The following HERC5 variants were observed in gnomAD, a reference collection of about 807,000 sequenced individuals.
HERC5 encodes the protein E3 ISG15--protein ligase HERC5.
HERC5 carries 99 observed loss-of-function variants against 119.6 expected under a neutral mutation model. That is an observed-to-expected ratio of 0.83 (90% CI 0.70 to 0.98). The LOEUF (loss-of-function observed/expected upper bound fraction) is 0.98. Among genes scored for constraint, HERC5 ranks in the 50% least tolerant of loss-of-function variants. HERC5 has a pLI of 0.00. For missense variants in HERC5, 1,267 were observed against 1,241.3 expected (o/e 1.02, Z -0.31); for synonymous variants, 478 against 445.9 (o/e 1.07, Z -0.91).
At chr4:88,481,128 C>T (rs112357547) in intron 13 of HERC5, among the ~76,000 whole-genome samples, 1,802 of 152,302 alleles carry the variant, frequency 0.012, 39 homozygotes, top group African/African-American at 0.041. Context: ...TCTCGGCTCA[C>T]TGCAACCTCT....
Position 88,475,931 on chromosome 4 carries a change from G to C in HERC5, c.1483G>C (p.Glu495Gln), listed in dbSNP as rs1284132122. ...TTTAGAAATTTTCTTCCTTCTCCCA[G>C]AATGTCCTATGATGCATATTTCCAA... is the stretch of plus-strand genomic sequence containing the variant. ...EALEIFFLLPECPMMHISNNW... is the reference protein window; with the variant it reads ...EALEIFFLLPQCPMMHISNNW... Residue 495 changes from glutamate (E) to glutamine (Q), a missense_variant, in exon 12 of 23, where the codon GAA becomes CAA. By Grantham distance (29) the Glu-to-Gln change is conservative. Around this residue, in one of 3 missense-constraint regions of HERC5, gnomAD observed 777 missense variants for 758.0 expected, o/e 1.03. Transcript: ENST00000264350. 2 of 1,613,798 alleles carry C rather than the reference G, an allele frequency of 1.2e-6. No homozygotes were observed. The highest frequency in any genetic ancestry group is 2.7e-5 in the African/African-American group (2 of 74,878).
At chr4:88,502,361 G>A (rs1411075648) in intron 20 of HERC5, among the ~76,000 whole-genome samples, 3 of 152,152 alleles carry the variant, frequency 2.0e-5, no homozygotes, top group African/African-American at 4.8e-5. Context: ...AGTACATAAT[G>A]GGGCTTTTTG....
chr4:88,504,368 G>A lies in HERC5; in HGVS notation c.2719G>A (p.Asp907Asn). 1 of 1,610,790 alleles carries A rather than the reference G, an allele frequency of 6.2e-7. No individual in the cohort carries two copies. Among genetic ancestry groups the A allele is most frequent in the Non-Finnish European group, 8.5e-7 (1 of 1,177,654 alleles). The change falls in exon 21 of 23, where the codon GAT (aspartate) becomes AAT (asparagine). Residue 907 changes from aspartate to asparagine, a missense_variant. Coordinates refer to ENST00000264350, the MANE Select transcript of HERC5 (RefSeq NM_016323.4). ...ATTATTCCACCCCGAAGAACTGAAG[G>A]ATGTGATTGTTGGAAATACAGATTA... Reference protein sequence around the residue: ...IKLFHPEELKDVIVGNTDYDW... With the variant: ...IKLFHPEELKNVIVGNTDYDW...
chr4:88,459,069 C>A (rs140537045), intron 1 of HERC5, among the ~76,000 whole-genome samples: 5 of 152,122 alleles, frequency 3.3e-5, no homozygotes, highest in African/African-American at 9.6e-5. Context: ...TAAACAAGAA[C>A]CTAAAAGCAG....
chr4:88,463,826 G>A (rs760447619), intron 5 of HERC5, 29 bp from the exon 6 acceptor site: 2 of 1,607,068 alleles, frequency 1.2e-6, no homozygotes. Context: ...TATTTTTCTA[G>A]CATCTGATAT....
At chr4:88,491,366 A>G (rs547864344) in intron 16 of HERC5, among the ~76,000 whole-genome samples, 1 of 152,326 alleles carries the variant, frequency 6.6e-6, no homozygotes, top group African/African-American at 2.4e-5. Context: ...TTAAATACGT[A>G]TGGGTGGTAA....
At chr4:88,465,758 A>T (rs1740640007) in intron 6 of HERC5, among the ~76,000 whole-genome samples, 1 of 152,204 alleles carries the variant, frequency 6.6e-6, no homozygotes, top group East Asian at 1.9e-4. Flanking sequence ...TTATGCTCAT[A>T]GTCACATTTA....
At chr4:88,473,598 A>G (rs1740950800) in intron 11 of HERC5, 1 of 152,202 alleles carries the variant, frequency 6.6e-6, no homozygotes, top group African/African-American at 2.4e-5. Flanking sequence ...TTGGGACCCT[A>G]CAACACTTAG....
chr4:88,463,244 T>C (rs911859673), intron 4 of HERC5, among the ~76,000 whole-genome samples: 4 of 152,206 alleles, frequency 2.6e-5, no homozygotes, highest in African/African-American at 7.2e-5. Context: ...GTTGGAAATA[T>C]CTAATGTGCT....
chr4:88,466,800 G>T (rs906245761), intron 6 of HERC5, among the ~76,000 whole-genome samples: 1 of 152,218 alleles, frequency 6.6e-6, no homozygotes, highest in African/African-American at 2.4e-5. Flanking sequence ...AAAATGAGCA[G>T]AGGGCAAGGG....
At chr4:88,487,686 T>C (rs1029128972) in intron 15 of HERC5, among the ~76,000 whole-genome samples, 2 of 152,170 alleles carry the variant, frequency 1.3e-5, no homozygotes, top group African/African-American at 4.8e-5. Context: ...CCATGTACGG[T>C]ACTGTTACTA....
rs1047023524 is a variant in HERC5 at position 88,476,182 on chromosome 4, A to G, written c.1582+152A>G. On this transcript the variant is annotated intron_variant, in intron 12 of 22. Coordinates refer to ENST00000264350, the MANE Select transcript of HERC5 (RefSeq NM_016323.4). ...CTCTAAAGGTACTATAACAATTACC[A>G]TGGTCATCTAAAATAGATTATTCTA... is the stretch of plus-strand genomic sequence containing the variant. The G allele has an allele frequency of 2.0e-5, 12 of 595,422 alleles. No homozygotes were observed. The African/African-American group carries it at 2.3e-4, about 11-fold the overall frequency. The allele number at this position is 595,422 out of a possible 1,614,324, so 36.9% of individuals were successfully genotyped here.
intron 16 of HERC5, among the ~76,000 whole-genome samples, chr4:88,489,620 G>C (rs1448230069): frequency 6.6e-6 from 1 of 152,148 alleles, no homozygotes; most frequent in Non-Finnish European, 1.5e-5. Flanking sequence ...TCCCTTCTGA[G>C]GTCTGGCCTA....
intron 20 of HERC5, among the ~76,000 whole-genome samples, chr4:88,501,250 A>G (rs1741938396): frequency 6.6e-6 from 1 of 151,412 alleles, no homozygotes; most frequent in African/African-American, 2.4e-5. Context: ...CTCTTTATCC[A>G]CTCGTTCTGC....
intron 12 of HERC5, among the ~76,000 whole-genome samples, chr4:88,478,222 G>C (rs1049108514): frequency 9.2e-5 from 14 of 152,136 alleles, no homozygotes; most frequent in African/African-American, 3.1e-4. Context: ...TTCTAAACTT[G>C]TAATAGTAAT....
At position 88,462,289 on chromosome 4, in the gene HERC5, C is replaced by T; in HGVS notation, c.621C>T (p.Ser207=). The T allele has an allele frequency of 6.2e-7, 1 of 1,614,160 alleles. No homozygotes were observed. The highest frequency in any genetic ancestry group is 8.5e-7 in the Non-Finnish European group (1 of 1,180,028). The change falls in exon 4 of 23, where the codon TCC becomes TCT. Residue 207 remains serine, a synonymous_variant. Coordinates refer to ENST00000264350, the MANE Select transcript of HERC5 (RefSeq NM_016323.4). ...SAGEAHSMAL[S]MSGNIYSWGK... ...GAGAAGCCCACAGCATGGCCTTATC[C>T]ATGTCTGGCAACATTTATTCATGGG...
Position 88,462,121 on chromosome 4 carries a change from T to G in HERC5, c.467-14T>G. 2 of 1,608,762 alleles carry G rather than the reference T, an allele frequency of 1.2e-6. No homozygotes were observed. The highest frequency in any genetic ancestry group is 1.7e-6 in the Non-Finnish European group (2 of 1,176,342). On this transcript the variant is annotated splice_polypyrimidine_tract_variant and intron_variant, in intron 3 of 22. Transcript: ENST00000264350. ...TAAATGGAATAAAACAGCATTTGCT[T>G]TGTTTATGTCAAGGTGGTGAGCTTT...
At chr4:88,505,535 A>T (rs144372118) in intron 22 of HERC5, 138 bp from the exon 23 acceptor site, 1 of 610,474 alleles carries the variant, frequency 1.6e-6, no homozygotes, top group Non-Finnish European at 2.9e-6. Context: ...GTTCGAATAC[A>T]ATCCCCAATG....
intron 13 of HERC5, among the ~76,000 whole-genome samples, chr4:88,483,950 A>G (rs1741373104): frequency 6.6e-6 from 1 of 152,050 alleles, no homozygotes; most frequent in South Asian, 2.1e-4. Context: ...CCAGTTATTG[A>G]CATGTTAGAC....
Sources: gnomAD v4.1 joint callset for allele counts (sites outside exome capture counted in the v4.1 genomes callset) on GRCh38, gnomAD v4.1.1 for gene constraint, gnomAD v4.1.1 regional missense constraint, MANE v1.5 for transcripts, NCBI Gene and HGNC (gene_info 2026-07-23, HGNC 2026-07-21) for gene names.